RIC8A: variants seen among roughly 807,000 people sequenced by gnomAD.
RIC8A encodes RIC8 guanine nucleotide exchange factor A.
A neutral mutation model predicts 48.4 loss-of-function variants in RIC8A; 37 were observed. The ratio of observed to expected loss-of-function variants is 0.77; its 90% confidence interval spans 0.59 to 1.01. RIC8A has a LOEUF of 1.01. RIC8A is among the 50% of genes least tolerant of loss of function. RIC8A has a pLI of 0.00. For missense variants in RIC8A, 681 were observed against 696.8 expected, an observed-to-expected ratio of 0.98 and a Z score of 0.25; for synonymous variants, 288 against 283.4, an observed-to-expected ratio of 1.02 and a Z score of -0.16.
rs1855289656 is a variant in RIC8A, at chr11:209,487, A to T, written c.213A>T (p.Arg71=). The T allele has an allele frequency of 6.2e-7, 1 of 1,611,956 alleles. No homozygotes were observed. ...GTGTCATCTGGCTGCAGAGTGTCCG[A>T]ATCCTGTCCCGGGACCGCAACTGCC... ...SHRVIWLQSV[R]ILSRDRNCLD... The change falls in exon 3 of 10, where the codon CGA becomes CGT. Residue 71 remains arginine, a synonymous_variant. Transcript: ENST00000526104.
Position 210,647 on chromosome 11 carries a change from C to T in RIC8A, c.803C>T (p.Thr268Ile), listed in dbSNP as rs756840944. 6.2e-7 allele frequency: 1 copy of T among 1,614,120 alleles called. No homozygotes were observed. The highest frequency in any genetic ancestry group is 1.1e-5 in the South Asian group (1 of 91,076). ...ATGATCGCTACTGCTGGAGACCGCA[C>T]AGAGGAGTTCCACGGGTGAGAATGG... Reference protein sequence around the residue: ...CVMIATAGDRTEEFHGHAVNL... With the variant: ...CVMIATAGDRIEEFHGHAVNL... Residue 268 changes from threonine to isoleucine, a missense_variant, in exon 4 of 10, where the codon ACA becomes ATA. Coordinates refer to ENST00000526104, the MANE Select transcript of RIC8A (RefSeq NM_001286134.2).
Position 209,900 on chromosome 11 carries a change from CA to C in RIC8A, c.627del (p.Thr211ArgfsTer49). ...TLGVTPEGNP[P>X]PTLLPSQETE... ...GGGGTGACTCCTGAAGGGAACCCCC[CA>C]CCCACGCTCCTTCCTTCCCAAGAGA... On this transcript the variant is annotated frameshift_variant, in exon 3 of 10. Transcript: ENST00000526104. LOFTEE classifies it high-confidence loss of function. 1 of 1,608,990 alleles carries C rather than the reference CA, an allele frequency of 6.2e-7. No homozygotes were observed. The highest frequency in any genetic ancestry group is 8.5e-7 in the Non-Finnish European group (1 of 1,179,876).
At chr11:210,337 A>G in intron 3 of RIC8A, 1 of 698,652 alleles carries the variant, frequency 1.4e-6, no homozygotes, top group Non-Finnish European at 2.6e-6. Context: ...ATTCCTAATC[A>G]GGGAAGTGCT....
chr11:208,758 C>T lies in RIC8A; in HGVS notation c.-97C>T. 1 of 932,462 alleles carries T rather than the reference C, an allele frequency of 1.1e-6. No homozygotes were observed. The allele number at this position is 932,462 out of a possible 1,614,324, so 57.8% of individuals were successfully genotyped here. A position where few individuals can be genotyped will look rare whatever the true frequency, so the allele number is the denominator to read the frequency against. On this transcript the variant is annotated 5_prime_UTR_variant, in exon 1 of 10. Coordinates refer to ENST00000526104, the MANE Select transcript of RIC8A (RefSeq NM_001286134.2). The surrounding 1 kb of genome is among the most constrained non-coding windows in gnomAD (Gnocchi z 4.8). ...CGCCGCGCCCCGTCCCGGCCTCCCC[C>T]GCGCGCTGGCGCGGGGCTTTCTGGG... is the stretch of plus-strand genomic sequence containing the variant.
In RIC8A at chr11:212,940, T is replaced by C; in HGVS notation, c.1314T>C (p.Asp438=). The C allele has an allele frequency of 9.4e-6, 15 of 1,591,104 alleles. No homozygotes were observed. Among genetic ancestry groups the C allele is most frequent in the Non-Finnish European group, 1.2e-5 (14 of 1,169,400 alleles). ...GGRPEGQYSE[D]EDTDTDEYKE... ...GGCCCGAGGGCCAGTACTCAGAGGA[T>C]GAGGACACAGACACAGATGAGTACA... Residue 438 remains aspartate, a synonymous_variant, in exon 8 of 10, where the codon GAT becomes GAC. Transcript: ENST00000526104.
In RIC8A at chr11:209,970, C is replaced by T; in HGVS notation, c.696C>T (p.Thr232=). The change falls in exon 3 of 10, where the codon ACC becomes ACT. Residue 232 remains threonine, a synonymous_variant. Coordinates refer to ENST00000526104, the MANE Select transcript of RIC8A (RefSeq NM_001286134.2). ...MEILKVLFNI[T]LDSIKGEVDE... is the part of the protein sequence containing the mutation. The stretch of plus-strand genomic sequence containing the variant: ...TCCTCAAAGTGCTCTTCAACATCAC[C>T]CTGGACTCCATCAAGGGGGAGGTGG... 3 of 1,594,954 alleles carry T rather than the reference C, an allele frequency of 1.9e-6. No homozygotes were observed. Among genetic ancestry groups the T allele is most frequent in the Non-Finnish European group, 2.6e-6 (3 of 1,175,620 alleles).
chr11:212,356 C>A, intron 5 of RIC8A, 60 bp from the exon 6 acceptor site: 2 of 1,538,132 alleles, frequency 1.3e-6, no homozygotes, highest in Non-Finnish European at 1.8e-6. Context: ...GGAGGTGTAA[C>A]TCTGTGCCAG....
intron 1 of RIC8A, 147 bp downstream of exon 1, chr11:209,085 AGTGTTGCGGG>A: frequency 9.8e-7 from 1 of 1,024,538 alleles, no homozygotes; most frequent in Non-Finnish European, 1.5e-6. Flanking sequence ...TCTGGGATGC[AGTGTTGCGGG>A]GAGAGTGGGG....
chr11:212,524 G>A lies in RIC8A; in HGVS notation c.1065+13G>A. The A allele has an allele frequency of 1.2e-6, 2 of 1,613,404 alleles. No individual in the cohort carries two copies. The highest frequency in any genetic ancestry group is 1.1e-5 in the South Asian group (1 of 90,890). On this transcript the variant is annotated intron_variant, in intron 6 of 9. Coordinates refer to ENST00000526104, the MANE Select transcript of RIC8A (RefSeq NM_001286134.2). ...CCTGAAGGCCCAGGTATAAGGCTGAGGAGCTGGTGCTCCTGGGGGATGTGG... is the reference window on the plus strand; with the variant it reads ...CCTGAAGGCCCAGGTATAAGGCTGAAGAGCTGGTGCTCCTGGGGGATGTGG...
intron 1 of RIC8A, 72 bp from the exon 2 acceptor site, chr11:209,199 A>G: frequency 6.3e-7 from 1 of 1,588,126 alleles, no homozygotes; most frequent in Non-Finnish European, 8.6e-7. Context: ...GTTAGAGGCC[A>G]ATAGGCCGCC....
intron 6 of RIC8A, 42 bp downstream of exon 6, chr11:212,553 C>G: frequency 6.2e-7 from 1 of 1,612,446 alleles, no homozygotes; most frequent in Non-Finnish European, 8.5e-7. Context: ...GATGTGGTTT[C>G]GGCCCTGATC....
intron 1 of RIC8A, 106 bp downstream of exon 1, chr11:209,044 G>C: frequency 8.7e-7 from 1 of 1,145,048 alleles, no homozygotes; most frequent in Non-Finnish European, 1.3e-6. Context: ...GTCAGCAAGC[G>C]TAGGGGACGC....
In RIC8A at chr11:212,630, C is replaced by T. The variant is rs768589596; in HGVS notation, c.1081C>T (p.Arg361Trp). ...ACCTCCCCAGGTGCTGCCCCCTCTGCGGGATGTGAGGACACGGCCTGAGGT... is the reference window on the plus strand; with the variant it reads ...ACCTCCCCAGGTGCTGCCCCCTCTGTGGGATGTGAGGACACGGCCTGAGGT... Reference protein sequence around the residue: ...FLKAQVLPPLRDVRTRPEVGE... With the variant: ...FLKAQVLPPLWDVRTRPEVGE... The change falls in exon 7 of 10, where the codon CGG becomes TGG. Residue 361 changes from arginine (R) to tryptophan (W), a missense_variant. Transcript: ENST00000526104. The T allele has an allele frequency of 1.2e-5, 20 of 1,613,866 alleles. No individual in the cohort carries two copies. The highest frequency in any genetic ancestry group is 6.7e-5 in the Admixed American group (4 of 59,978).
intron 9 of RIC8A, chr11:213,649 A>G: frequency 2.0e-6 from 1 of 500,648 alleles, no homozygotes; most frequent in East Asian, 4.1e-5. Context: ...CAGAGAAATT[A>G]AGAGACTGTC....
In RIC8A at chr11:211,294, T is replaced by C. The variant is rs765078470; in HGVS notation, c.914T>C (p.Val305Ala). The C allele has an allele frequency of 1.2e-6, 2 of 1,613,918 alleles. No individual in the cohort carries two copies. The highest frequency in any genetic ancestry group is 1.1e-5 in the South Asian group (1 of 91,052). ...GGAGACTCCACGGAGTTCATGGGAG[T>C]GAATATGGATGTGATTCGTGCCCTC... Reference protein sequence around the residue: ...PHGDSTEFMGVNMDVIRALLI... With the variant: ...PHGDSTEFMGANMDVIRALLI... Residue 305 changes from valine (V) to alanine (A), a missense_variant, in exon 5 of 10, where the codon GTG becomes GCG. Physicochemically the swap from Val to Ala is moderately conservative, Grantham distance 64. Coordinates refer to ENST00000526104, the MANE Select transcript of RIC8A (RefSeq NM_001286134.2). The surrounding 1 kb of genome is among the most constrained non-coding windows in gnomAD (Gnocchi z 4.0).
In RIC8A at chr11:209,868, G is replaced by T; in HGVS notation, c.594G>T (p.Leu198=). Residue 198 remains leucine (L), a synonymous_variant, in exon 3 of 10, where the codon CTG becomes CTT. Transcript: ENST00000526104. ...GCCTGCTAACTGACACACTGGAGCT[G>T]ACGCTGGGGGTGACTCCTGAAGGGA... ...GVRLLTDTLE[L]TLGVTPEGNP... The T allele has an allele frequency of 2.5e-6, 4 of 1,610,818 alleles. No homozygotes were observed. The highest frequency in any genetic ancestry group is 3.4e-6 in the Non-Finnish European group (4 of 1,179,570).
chr11:214,581 T>C lies in RIC8A; in HGVS notation c.*231T>C. ...GCTAGAACTCAGGCTCAGCCTCGAATTCCACAGACGAAGTACTTTCTTTTG... is the reference window on the plus strand; with the variant it reads ...GCTAGAACTCAGGCTCAGCCTCGAACTCCACAGACGAAGTACTTTCTTTTG... On this transcript the variant is annotated 3_prime_UTR_variant, in exon 10 of 10. Coordinates refer to ENST00000526104, the MANE Select transcript of RIC8A (RefSeq NM_001286134.2). 1.6e-6 allele frequency: 1 copy of C among 620,536 alleles called. No homozygotes were observed. The highest frequency in any genetic ancestry group is 1.8e-5 in the South Asian group (1 of 56,170). 38.4% of individuals were successfully genotyped at this position (620,536 alleles called of 1,614,324 possible).
chr11:207,716 C>A lies in RIC8A; in HGVS notation c.-1139C>A. 4.6e-6 allele frequency: 1 copy of A among 216,600 alleles called. No individual in the cohort carries two copies. Among genetic ancestry groups the A allele is most frequent in the South Asian group, 6.8e-5 (1 of 14,744 alleles). The allele number at this position is 216,600 out of a possible 1,614,324, so 13.4% of individuals were successfully genotyped here. ...GGCGGGGCCGTTTGCTTGCTCAGTGCCTAGACGATGGTGGTGGAAAGACGC... is the reference window on the plus strand; with the variant it reads ...GGCGGGGCCGTTTGCTTGCTCAGTGACTAGACGATGGTGGTGGAAAGACGC... On this transcript the variant is annotated 5_prime_UTR_variant, in exon 1 of 10. Coordinates refer to ENST00000526104, the MANE Select transcript of RIC8A (RefSeq NM_001286134.2).
chr11:213,574 A>T, intron 9 of RIC8A, 156 bp downstream of exon 9: 4 of 959,186 alleles, frequency 4.2e-6, no homozygotes, highest in South Asian at 3.3e-5. Context: ...CCTGGAGGAA[A>T]TCCCCCAGGG....
Sources: gnomAD v4.1 joint callset for allele counts on GRCh38, gnomAD v4.1.1 for gene constraint, Gnocchi (gnomAD v3.1) non-coding constraint, MANE v1.5 for transcripts, NCBI Gene and HGNC (gene_info 2026-07-23, HGNC 2026-07-21) for gene names.